Variants in CNTNAP2 observed in about 807,000 individuals in gnomAD.
CNTNAP2 encodes contactin-associated protein-like 2.
Under a neutral mutation model 155.2 loss-of-function variants are expected in CNTNAP2, and 98 were observed. That is an observed-to-expected ratio of 0.63 (90% CI 0.54 to 0.75). The LOEUF is 0.75. CNTNAP2 is among the 30% of genes least tolerant of loss of function. The probability of loss-of-function intolerance (pLI) is 0.00; values close to 1 mark genes in which losing one functional copy is unlikely to be tolerated. For missense variants in CNTNAP2, 1,727 were observed against 1,688.1 expected, an observed-to-expected ratio of 1.02 and a Z score of -0.40; for synonymous variants, 651 against 631.2, an observed-to-expected ratio of 1.03 and a Z score of -0.47.
At chr7:147,021,136 G>T (rs1214690976) in intron 3 of CNTNAP2, among the ~76,000 whole-genome samples, 1 of 152,148 alleles carries the variant, frequency 6.6e-6, no homozygotes, top group Non-Finnish European at 1.5e-5. Context: ...TGCAGCCCAG[G>T]ATGGTTTAGA....
At chr7:147,086,072 G>T (rs1428862875) in intron 4 of CNTNAP2, among the ~76,000 whole-genome samples, 1 of 152,180 alleles carries the variant, frequency 6.6e-6, no homozygotes, top group Non-Finnish European at 1.5e-5. Flanking sequence ...CAGCTTCCAA[G>T]AGAACTTCAT....
At chr7:146,494,313 C>G (rs1584950531) in intron 1 of CNTNAP2, among the ~76,000 whole-genome samples, 2 of 150,508 alleles carry the variant, frequency 1.3e-5, no homozygotes, top group Non-Finnish European at 3.0e-5. Flanking sequence ...CAGCCTGGGC[C>G]ACAGAGCGAG....
intron 6 of CNTNAP2, among the ~76,000 whole-genome samples, chr7:147,126,162 C>T (rs1256210281): frequency 6.6e-6 from 1 of 152,078 alleles, no homozygotes; most frequent in Non-Finnish European, 1.5e-5. Context: ...GACTGGGGAG[C>T]AATGTGCCCA....
At chr7:148,250,110 G>A (rs183770055) in intron 20 of CNTNAP2, among the ~76,000 whole-genome samples, 122 of 152,322 alleles carry the variant, frequency 8.0e-4, no homozygotes, top group Middle Eastern at 3.4e-3. Context: ...GCTTCATGCC[G>A]GGAATTCTCC....
chr7:148,206,443 T>C (rs1795450567), intron 18 of CNTNAP2, among the ~76,000 whole-genome samples: 1 of 152,002 alleles, frequency 6.6e-6, no homozygotes. Context: ...CATACTATTT[T>C]TACAACTTTT....
At chr7:147,246,237 A>G (rs1004238515) in intron 8 of CNTNAP2, among the ~76,000 whole-genome samples, 5 of 152,016 alleles carry the variant, frequency 3.3e-5, no homozygotes, top group Admixed American at 1.3e-4. Flanking sequence ...GACTACTGCA[A>G]ATCAAATCTG....
chr7:147,362,013 G>A (rs1324953779), intron 9 of CNTNAP2, among the ~76,000 whole-genome samples: 1 of 152,192 alleles, frequency 6.6e-6, no homozygotes, highest in Non-Finnish European at 1.5e-5. Flanking sequence ...GCATTCGGCT[G>A]GAACAGTGGG....
intron 1 of CNTNAP2, among the ~76,000 whole-genome samples, chr7:146,354,905 A>G (rs1459834875): frequency 6.6e-6 from 1 of 152,182 alleles, no homozygotes; most frequent in African/African-American, 2.4e-5. Context: ...AATGGCATAA[A>G]TATTTGTATT....
chr7:147,085,240 A>T (rs2129270527), intron 4 of CNTNAP2, among the ~76,000 whole-genome samples: 1 of 152,222 alleles, frequency 6.6e-6, no homozygotes, highest in Non-Finnish European at 1.5e-5. Flanking sequence ...TGGGCTGGGA[A>T]AACTGTACTG....
chr7:147,206,186 C>T (rs1803019807), intron 8 of CNTNAP2, among the ~76,000 whole-genome samples: 1 of 151,398 alleles, frequency 6.6e-6, no homozygotes, highest in African/African-American at 2.4e-5. Flanking sequence ...CTTTGTTAAA[C>T]ACTTCCATTC....
intron 1 of CNTNAP2, among the ~76,000 whole-genome samples, chr7:146,433,287 T>C (rs1359830100): frequency 2.0e-5 from 3 of 152,132 alleles, no homozygotes; most frequent in African/African-American, 7.2e-5. Flanking sequence ...TCTGTTGGTC[T>C]CTCTTAACTT....
intron 1 of CNTNAP2, among the ~76,000 whole-genome samples, chr7:146,488,433 G>C (rs1470033823): frequency 6.6e-6 from 1 of 151,550 alleles, no homozygotes; most frequent in South Asian, 2.1e-4. Flanking sequence ...GAAAAAAACT[G>C]TGTGAAATCA....
chr7:148,052,031 C>T (rs1802901472), intron 15 of CNTNAP2, among the ~76,000 whole-genome samples: 1 of 150,660 alleles, frequency 6.6e-6, no homozygotes, highest in Non-Finnish European at 1.5e-5. Context: ...CCCAGCTGCT[C>T]GGGAGGCTGA....
chr7:147,447,215 C>T (rs1416428127), intron 10 of CNTNAP2, among the ~76,000 whole-genome samples: 1 of 152,124 alleles, frequency 6.6e-6, no homozygotes, highest in Non-Finnish European at 1.5e-5. Context: ...TTAGAGAATG[C>T]ATGCGTAAAT....
At chr7:147,045,572 A>C (rs917522450) in intron 4 of CNTNAP2, among the ~76,000 whole-genome samples, 1 of 152,160 alleles carries the variant, frequency 6.6e-6, no homozygotes, top group Non-Finnish European at 1.5e-5. Context: ...CTTCAGGAGA[A>C]TGTAGCTCTT....
intron 1 of CNTNAP2, among the ~76,000 whole-genome samples, chr7:146,468,605 A>G (rs1262921529): frequency 6.6e-6 from 1 of 152,202 alleles, no homozygotes; most frequent in Non-Finnish European, 1.5e-5. Flanking sequence ...GCTGAAGTTC[A>G]TGCAAAAATG....
At chr7:148,098,584 G>C (rs576373564) in intron 15 of CNTNAP2, among the ~76,000 whole-genome samples, 1 of 151,712 alleles carries the variant, frequency 6.6e-6, no homozygotes, top group East Asian at 2.0e-4. Flanking sequence ...GTGCATCATA[G>C]TTCCAGCAAC....
intron 9 of CNTNAP2, among the ~76,000 whole-genome samples, chr7:147,349,126 G>C (rs1795927524): frequency 6.6e-6 from 1 of 151,860 alleles, no homozygotes; most frequent in South Asian, 2.1e-4. Flanking sequence ...TAGCTAAAAA[G>C]AGGATATTCA....
At chr7:147,285,504 A>G (rs1474152785) in intron 8 of CNTNAP2, among the ~76,000 whole-genome samples, 2 of 152,026 alleles carry the variant, frequency 1.3e-5, no homozygotes, top group African/African-American at 4.8e-5. Context: ...TTTGTTATAA[A>G]CATTTAGAAA....
Sources: allele counts gnomAD v4.1 joint callset (sites outside exome capture counted in the v4.1 genomes callset), GRCh38; gene constraint gnomAD v4.1.1; transcripts MANE v1.5; gene names NCBI Gene and HGNC (gene_info 2026-07-23, HGNC 2026-07-21).